The following DEF8 variants were observed in gnomAD, a reference collection of about 807,000 sequenced individuals.
DEF8 encodes DEF-8.
Under a neutral mutation model 59.1 loss-of-function variants are expected in DEF8, and 38 were observed. The ratio of observed to expected loss-of-function variants is 0.64; its 90% CI spans 0.50 to 0.84. The LOEUF is 0.84. Among genes scored for constraint, DEF8 ranks in the 40% least tolerant of loss-of-function variants. The pLI, the probability that DEF8 is intolerant of heterozygous loss-of-function variation, is 0.00. For synonymous variants in DEF8, 265 were observed against 250.1 expected (o/e 1.06, Z -0.56); for missense variants, 557 against 615.2 (o/e 0.91, Z 1.00).
At position 89,959,277 on chromosome 16, in the gene DEF8, A is replaced by T. The variant is rs1231953494; in HGVS notation, c.514+122A>T. ...GCCACTAGCCAAACATGGCCAGTCA[A>T]AGTTAAATTAACTAAATATGCATTT... On this transcript the variant is annotated intron_variant, in intron 6 of 12. Coordinates refer to ENST00000563594, the MANE Select transcript of DEF8 (RefSeq NM_001242818.2). The T allele has an allele frequency of 3.3e-6, 5 of 1,532,204 alleles. No individual in the cohort carries two copies. In the African/African-American group the frequency reaches 5.5e-5, roughly 17 times the overall value. 94.9% of individuals were successfully genotyped at this position (1,532,204 alleles called of 1,614,324 possible).
chr16:89,963,481 G>A (rs1045082114), intron 10 of DEF8, 38 bp downstream of exon 10: 8 of 1,583,570 alleles, frequency 5.1e-6, no homozygotes, highest in African/African-American at 2.7e-5. Context: ...GATGGGAAGC[G>A]CAGCCAGGGT....
chr16:89,958,687 C>T (rs1204198762), intron 5 of DEF8, among the ~76,000 whole-genome samples: 1 of 152,220 alleles, frequency 6.6e-6, no homozygotes, highest in Non-Finnish European at 1.5e-5. Flanking sequence ...CTGCACCTAA[C>T]CGGCAAAAAG....
Position 89,954,639 on chromosome 16 carries a change from G to A in DEF8, c.124+263G>A, listed in dbSNP as rs568696464. Reference sequence around the variant, plus strand: ...GGCCCAGCACATAGTAGGTGCTCAGGGAACACTTGCTGAGTGCGGTCAGCG... The same window carrying A: ...GGCCCAGCACATAGTAGGTGCTCAGAGAACACTTGCTGAGTGCGGTCAGCG... On this transcript the variant is annotated intron_variant, in intron 3 of 12. Coordinates refer to ENST00000563594, the MANE Select transcript of DEF8 (RefSeq NM_001242818.2). This position sits in a 1 kb window ranked among gnomAD's most constrained non-coding sequence, Gnocchi z 4.3. Among the ~76,000 whole-genome samples the A allele has an allele frequency of 6.6e-6, 1 of 152,312 alleles. No individual in the cohort carries two copies. The highest frequency in any genetic ancestry group is 1.5e-5 in the Non-Finnish European group (1 of 68,028).
At chr16:89,956,042 CA>C (rs2033116542) in intron 4 of DEF8, among the ~76,000 whole-genome samples, 1 of 151,986 alleles carries the variant, frequency 6.6e-6, no homozygotes, top group African/African-American at 2.4e-5. Flanking sequence ...CACTGCACTC[CA>C]GCCTGGGTGA....
intron 4 of DEF8, chr16:89,956,603 C>G (rs2033243127): frequency 6.6e-6 from 1 of 151,922 alleles, no homozygotes; most frequent in Non-Finnish European, 1.5e-5. Flanking sequence ...CCTCCTGAGC[C>G]CAAGCGATCC....
At chr16:89,964,411 C>T (rs1297694787) in intron 11 of DEF8, 55 bp from the exon 12 acceptor site, 1 of 1,553,750 alleles carries the variant, frequency 6.4e-7, no homozygotes, top group African/African-American at 1.4e-5. Context: ...CTCAGAGTGC[C>T]CAGAGGAGCT....
At position 89,966,051 on chromosome 16, in the gene DEF8, T is replaced by A; in HGVS notation, c.*88T>A. 1 of 1,064,290 alleles carries A rather than the reference T, an allele frequency of 9.4e-7. No homozygotes were observed. Among genetic ancestry groups the A allele is most frequent in the Non-Finnish European group, 1.4e-6 (1 of 723,136 alleles). 65.9% of individuals were successfully genotyped at this position (1,064,290 alleles called of 1,614,324 possible). On this transcript the variant is annotated 3_prime_UTR_variant, in exon 13 of 13. Coordinates refer to ENST00000563594, the MANE Select transcript of DEF8 (RefSeq NM_001242818.2). ...TTGTTCCTTCTGCTCCGGAGACCCC[T>A]GGGGTGCGGCCCTGGCCCCCTCCAC...
chr16:89,959,367 TG>T, intron 6 of DEF8: 3 of 1,434,310 alleles, frequency 2.1e-6, no homozygotes, highest in Non-Finnish European at 2.7e-6. Flanking sequence ...GTGAATTACA[TG>T]GTGTGTCTAG....
intron 10 of DEF8, 125 bp from the exon 11 acceptor site, chr16:89,964,045 G>A (rs755643242): frequency 1.5e-6 from 2 of 1,313,382 alleles, no homozygotes; most frequent in Admixed American, 3.4e-5. Flanking sequence ...TACTCCTGGG[G>A]CCCAGACCCT....
chr16:89,952,934 A>G (rs2032456014), intron 2 of DEF8, among the ~76,000 whole-genome samples: 1 of 152,226 alleles, frequency 6.6e-6, no homozygotes, highest in South Asian at 2.1e-4. Context: ...ACTGCCAGTG[A>G]GGCAATTAGT....
In DEF8 at chr16:89,964,241, C is replaced by G; in HGVS notation, c.1074C>G (p.Ala358=). 1 of 1,606,578 alleles carries G rather than the reference C, an allele frequency of 6.2e-7. No individual in the cohort carries two copies. The highest frequency in any genetic ancestry group is 8.5e-7 in the Non-Finnish European group (1 of 1,177,514). The change falls in exon 11 of 13, where the codon GCC becomes GCG. Residue 358 remains alanine (A), a synonymous_variant. Coordinates refer to ENST00000563594, the MANE Select transcript of DEF8 (RefSeq NM_001242818.2). ...TCCAGGACCTCCTGGACGTGCATGC[C>G]GGCCGCCTGGGCTGCTCGCTCACCG... ...YSVQDLLDVH[A]GRLGCSLTEI...
intron 2 of DEF8, chr16:89,950,304 T>G (rs539036560): frequency 1.6e-4 from 159 of 985,564 alleles, no homozygotes; most frequent in Middle Eastern, 1.0e-3. Flanking sequence ...AAACAAGTCC[T>G]TAGCCCTTCC....
At position 89,964,436 on chromosome 16, in the gene DEF8, C is replaced by T. The variant is rs959909921; in HGVS notation, c.1144-30C>T. 17 of 1,563,278 alleles carry T rather than the reference C, an allele frequency of 1.1e-5. 1 individual carries two copies. The highest frequency in any genetic ancestry group is 4.1e-5 in the African/African-American group (3 of 73,420). On this transcript the variant is annotated intron_variant, in intron 11 of 12. Coordinates refer to ENST00000563594, the MANE Select transcript of DEF8 (RefSeq NM_001242818.2). ...CCAGAGGAGCTGGCACTGACGTGCC[C>T]GTGCCCCAACCCCACACTGTTCCCC...
In DEF8 at chr16:89,959,162, C is replaced by G; in HGVS notation, c.514+7C>G. 1 of 1,613,824 alleles carries G rather than the reference C, an allele frequency of 6.2e-7. No homozygotes were observed. Among genetic ancestry groups the G allele is most frequent in the Non-Finnish European group, 8.5e-7 (1 of 1,180,004 alleles). On this transcript the variant is annotated splice_region_variant and intron_variant, in intron 6 of 12. Coordinates refer to ENST00000563594, the MANE Select transcript of DEF8 (RefSeq NM_001242818.2). Reference sequence around the variant, plus strand: ...ACCTGGTACACCTGCACAGGTGGGCCGAGACCCAGACGAGGAGTGAGGAAT... The same window carrying G: ...ACCTGGTACACCTGCACAGGTGGGCGGAGACCCAGACGAGGAGTGAGGAAT...
intron 12 of DEF8, among the ~76,000 whole-genome samples, chr16:89,965,555 G>T (rs1407717244): frequency 6.6e-6 from 1 of 152,192 alleles, no homozygotes; most frequent in African/African-American, 2.4e-5. Flanking sequence ...GGAACAGGTG[G>T]GAATCGTGAG....
rs72813456 is a variant in DEF8 at position 89,964,066 on chromosome 16, G to A, written c.1003-104G>A. 12,948 of 1,483,222 alleles carry A rather than the reference G, an allele frequency of 8.7e-3. 96 individuals are homozygous for A. Among genetic ancestry groups the A allele is most frequent in the Non-Finnish European group, 0.01 (11,145 of 1,061,892 alleles). The allele number at this position is 1,483,222 out of a possible 1,614,324, so 91.9% of individuals were successfully genotyped here. ...TGGGGCCCAGACCCTTGTGTAGCTC[G>A]TTTCTCTGTGAGCACCTGGGCCCTG... On this transcript the variant is annotated intron_variant, in intron 10 of 12. Coordinates refer to ENST00000563594, the MANE Select transcript of DEF8 (RefSeq NM_001242818.2).
chr16:89,957,556 G>C lies in DEF8; in HGVS notation c.268G>C (p.Glu90Gln), dbSNP rs778842562. Reference sequence around the variant, plus strand: ...CGTCCAGCAGCTGCGGCAGGCGATCGAGGAGTGCAAGCAGGTGATTCTGGA... The same window carrying C: ...CGTCCAGCAGCTGCGGCAGGCGATCCAGGAGTGCAAGCAGGTGATTCTGGA... ...SDVQQLRQAI[E>Q]ECKQVILELP... The change falls in exon 5 of 13, where the codon GAG (glutamate) becomes CAG (glutamine). Residue 90 changes from glutamate (E) to glutamine (Q), a missense_variant. Coordinates refer to ENST00000563594, the MANE Select transcript of DEF8 (RefSeq NM_001242818.2). 2 of 1,592,928 alleles carry C rather than the reference G, an allele frequency of 1.3e-6. No homozygotes were observed. Among genetic ancestry groups the C allele is most frequent in the East Asian group, 2.3e-5 (1 of 43,754 alleles).
At chr16:89,964,825 C>A (rs2034469784) in intron 12 of DEF8, among the ~76,000 whole-genome samples, 1 of 152,214 alleles carries the variant, frequency 6.6e-6, no homozygotes, top group African/African-American at 2.4e-5. Flanking sequence ...CTTCCCAGGT[C>A]CCTCCCGGAC....
At chr16:89,963,701 G>A (rs1474758137) in intron 10 of DEF8, 3 of 537,760 alleles carry the variant, frequency 5.6e-6, no homozygotes, top group Non-Finnish European at 1.0e-5. Context: ...CAGGCAGGTT[G>A]ACCACAAAAC....
Sources: allele counts gnomAD v4.1 joint callset (sites outside exome capture counted in the v4.1 genomes callset), GRCh38; gene constraint gnomAD v4.1.1; non-coding constraint Gnocchi (gnomAD v3.1); transcripts MANE v1.5; gene names NCBI Gene and HGNC (gene_info 2026-07-23, HGNC 2026-07-21).